The following CDH13 variants were observed in gnomAD, a reference collection of about 807,000 sequenced individuals.
CDH13 encodes cadherin-13.
CDH13 carries 24 observed loss-of-function variants against 63.8 expected under a neutral mutation model. The observed-to-expected ratio is 0.38, with a 90% CI of 0.27 to 0.53. The LOEUF (loss-of-function observed/expected upper bound fraction) is 0.53. Among genes scored for constraint, CDH13 ranks in the 20% least tolerant of loss-of-function variants. The pLI is 0.85. For synonymous variants in CDH13, 503 were observed against 355.3 expected, an observed-to-expected ratio of 1.42 and a Z score of -4.67; for missense variants, 1,049 against 903.1, an observed-to-expected ratio of 1.16 and a Z score of -2.07.
intron 9 of CDH13, among the ~76,000 whole-genome samples, chr16:83,675,532 C>T (rs1234665206): frequency 3.9e-5 from 6 of 152,180 alleles, no homozygotes; most frequent in African/African-American, 1.4e-4. Flanking sequence ...GCAGCTCTTG[C>T]TTCCCCACTC....
At chr16:83,294,649 G>A (rs988568870) in intron 5 of CDH13, among the ~76,000 whole-genome samples, 55 of 151,476 alleles carry the variant, frequency 3.6e-4, no homozygotes, top group African/African-American at 1.2e-3. Context: ...ATGTATTGAT[G>A]GACATTTAGG....
rs149403443 is a variant in CDH13 at position 83,321,949 on chromosome 16, G to A, written c.637-22913G>A. 9.7e-4 allele frequency among the ~76,000 whole-genome samples: 148 copies of A among 152,344 alleles called. 3 individuals carry two copies. In the East Asian group the frequency reaches 0.023, roughly 24 times the overall value. On this transcript the variant is annotated intron_variant, in intron 5 of 13. Transcript: ENST00000567109. ...AGATTCAGTCCATGGAGCACTGGTA[G>A]GTGGGAGCCTGGTTCAGAGCCAGAG...
At chr16:83,502,192 A>G (rs571866652) in intron 7 of CDH13, among the ~76,000 whole-genome samples, 1 of 152,194 alleles carries the variant, frequency 6.6e-6, no homozygotes, top group Admixed American at 6.5e-5. Flanking sequence ...TGTAGAAGTG[A>G]TTAAGTCAAA....
At chr16:83,284,056 C>T (rs938946217) in intron 5 of CDH13, among the ~76,000 whole-genome samples, 2 of 152,138 alleles carry the variant, frequency 1.3e-5, no homozygotes, top group African/African-American at 4.8e-5. Context: ...AAACCAAGCC[C>T]CTGTAGTCTG....
At chr16:83,625,200 G>C (rs963386443) in intron 8 of CDH13, among the ~76,000 whole-genome samples, 7 of 151,872 alleles carry the variant, frequency 4.6e-5, no homozygotes, top group Admixed American at 1.3e-4. Flanking sequence ...ATGTGTGTGT[G>C]TGCATGTGTG....
chr16:82,884,042 A>T (rs1429226148), intron 2 of CDH13: 1 of 321,604 alleles, frequency 3.1e-6, no homozygotes, highest in East Asian at 8.1e-5. Flanking sequence ...GAGATGAATT[A>T]TTATGACTAC....
intron 2 of CDH13, among the ~76,000 whole-genome samples, chr16:82,885,167 T>C (rs1044802425): frequency 6.6e-6 from 1 of 152,224 alleles, no homozygotes; most frequent in Non-Finnish European, 1.5e-5. Flanking sequence ...TAATGCATGA[T>C]AGTATATTAT....
chr16:83,116,463 C>G (rs1009232332), intron 3 of CDH13, among the ~76,000 whole-genome samples: 2 of 152,214 alleles, frequency 1.3e-5, no homozygotes, highest in East Asian at 3.9e-4. Flanking sequence ...TTGACACACT[C>G]CTGACCAGTC....
intron 1 of CDH13, among the ~76,000 whole-genome samples, chr16:82,673,824 A>G (rs1275485913): frequency 6.6e-6 from 1 of 152,216 alleles, no homozygotes; most frequent in Non-Finnish European, 1.5e-5. Context: ...TCCATGTGGA[A>G]GTGTTAGCAA....
At chr16:82,909,702 C>G (rs1862470139) in intron 2 of CDH13, among the ~76,000 whole-genome samples, 1 of 151,940 alleles carries the variant, frequency 6.6e-6, no homozygotes, top group Admixed American at 6.6e-5. Context: ...TGAGAAAGAC[C>G]CAACCCCATG....
At chr16:83,428,894 C>A (rs1055706133) in intron 6 of CDH13, among the ~76,000 whole-genome samples, 2 of 152,340 alleles carry the variant, frequency 1.3e-5, no homozygotes, top group East Asian at 3.9e-4. Context: ...GTTAAAATAA[C>A]TGTTGCACTG....
At chr16:83,775,192 C>G (rs1205189214) in intron 11 of CDH13, among the ~76,000 whole-genome samples, 3 of 151,810 alleles carry the variant, frequency 2.0e-5, no homozygotes, top group Non-Finnish European at 4.4e-5. Context: ...TGGACCTCAG[C>G]CTCACCATAC....
intron 6 of CDH13, among the ~76,000 whole-genome samples, chr16:83,443,979 G>C (rs1430672515): frequency 2.7e-5 from 4 of 150,230 alleles, no homozygotes; most frequent in African/African-American, 9.8e-5. Context: ...TCAGGTGATG[G>C]TGTTGATTAT....
At chr16:82,814,504 G>T (rs908429144) in intron 1 of CDH13, among the ~76,000 whole-genome samples, 1 of 152,114 alleles carries the variant, frequency 6.6e-6, no homozygotes, top group Non-Finnish European at 1.5e-5. Context: ...AACCCCAAAG[G>T]ACAGGGGTTA....
intron 1 of CDH13, among the ~76,000 whole-genome samples, chr16:82,665,718 G>A (rs16958043): frequency 0.011 from 1,632 of 152,102 alleles, 14 homozygotes; most frequent in Middle Eastern, 0.02. Context: ...GGGACAATGT[G>A]ACAGTAGCCA....
intron 7 of CDH13, among the ~76,000 whole-genome samples, chr16:83,522,282 G>C (rs1188719465): frequency 6.6e-6 from 1 of 152,182 alleles, no homozygotes; most frequent in Non-Finnish European, 1.5e-5. Context: ...TCAAAATGTA[G>C]CCTGCCATTG....
At chr16:82,919,913 G>A (rs1260949962) in intron 2 of CDH13, among the ~76,000 whole-genome samples, 1 of 152,208 alleles carries the variant, frequency 6.6e-6, no homozygotes, top group Non-Finnish European at 1.5e-5. Context: ...AGAGTCAAAT[G>A]AGGGGAATTA....
chr16:82,697,628 C>T (rs2030482402), intron 1 of CDH13, among the ~76,000 whole-genome samples: 1 of 151,690 alleles, frequency 6.6e-6, no homozygotes, highest in East Asian at 1.9e-4. Flanking sequence ...CGGGATTTCA[C>T]CATGTAGACC....
intron 6 of CDH13, among the ~76,000 whole-genome samples, chr16:83,366,419 C>A (rs1436524327): frequency 2.0e-5 from 3 of 152,214 alleles, no homozygotes; most frequent in Non-Finnish European, 4.4e-5. Flanking sequence ...CATTAAGGAG[C>A]TTTACGTGCG....
Sources: gnomAD v4.1 joint callset for allele counts (sites outside exome capture counted in the v4.1 genomes callset) on GRCh38, gnomAD v4.1.1 for gene constraint, MANE v1.5 for transcripts, NCBI Gene and HGNC (gene_info 2026-07-23, HGNC 2026-07-21) for gene names.